RCOR1: variants seen among roughly 807,000 people sequenced by gnomAD.
The protein encoded by RCOR1 is REST corepressor.
A neutral mutation model predicts 64.0 loss-of-function variants in RCOR1; 12 were observed. The ratio of observed to expected loss-of-function variants is 0.19; its 90% confidence interval spans 0.12 to 0.30. RCOR1 has a LOEUF of 0.30. Among genes scored for constraint, RCOR1 ranks in the 10% least tolerant of loss-of-function variants. RCOR1 has a pLI of 1.00. For synonymous variants in RCOR1, 279 were observed against 227.2 expected (o/e 1.23, Z -2.05); for missense variants, 502 against 621.2 (o/e 0.81, Z 2.04).
chr14:102,607,495 C>G (rs539848267), intron 2 of RCOR1, among the ~76,000 whole-genome samples: 1 of 151,994 alleles, frequency 6.6e-6, no homozygotes, highest in East Asian at 1.9e-4. Context: ...GCGTGTAATC[C>G]CAGTGCTTTG....
chr14:102,656,670 TG>T (rs1463802240), intron 2 of RCOR1, among the ~76,000 whole-genome samples: 4 of 152,128 alleles, frequency 2.6e-5, no homozygotes, highest in African/African-American at 4.8e-5. Flanking sequence ...GGTTTTACCA[TG>T]TTGGCCAGGC....
intron 2 of RCOR1, among the ~76,000 whole-genome samples, chr14:102,624,242 G>A (rs1273029734): frequency 2.0e-5 from 3 of 151,682 alleles, no homozygotes; most frequent in Admixed American, 6.6e-5. Context: ...GGTGGCTCAC[G>A]GCTGTAATCC....
rs1174090944 is a variant in RCOR1, at chr14:102,729,514, A to G, written c.*3008A>G. ...CGCCACTTCCTCAAAATGGTTTTTG[A>G]TTGTTTTTAACCTATAAGACGTTCT... On this transcript the variant is annotated 3_prime_UTR_variant, in exon 12 of 12. Coordinates refer to ENST00000262241, the MANE Select transcript of RCOR1 (RefSeq NM_015156.4). 5.2e-6 allele frequency: 1 copy of G among 191,750 alleles called. No homozygotes were observed. The allele number at this position is 191,750 out of a possible 1,614,324, so 11.9% of individuals were successfully genotyped here. A position where few individuals can be genotyped will look rare whatever the true frequency, so the allele number is the denominator to read the frequency against.
At chr14:102,621,705 T>C (rs2139900177) in intron 2 of RCOR1, among the ~76,000 whole-genome samples, 1 of 99,392 alleles carries the variant, frequency 1.0e-5, no homozygotes, top group African/African-American at 2.7e-5. Flanking sequence ...CGAAATAAAA[T>C]CACTTAAATG....
chr14:102,663,438 C>T (rs1199090436), intron 2 of RCOR1, among the ~76,000 whole-genome samples: 8 of 152,140 alleles, frequency 5.3e-5, no homozygotes, highest in Non-Finnish European at 2.9e-5. Flanking sequence ...CCTAATTCAA[C>T]CTTTTGTAAG....
chr14:102,619,473 C>CTTT (rs35488660), intron 2 of RCOR1, among the ~76,000 whole-genome samples: 27 of 131,202 alleles, frequency 2.1e-4, no homozygotes, highest in East Asian at 4.7e-4. Flanking sequence ...TCTATCTAAT[C>CTTT]TTTTTTTTTT....
At chr14:102,664,052 A>G (rs1462757044) in intron 2 of RCOR1, among the ~76,000 whole-genome samples, 1 of 152,178 alleles carries the variant, frequency 6.6e-6, no homozygotes, top group African/African-American at 2.4e-5. Flanking sequence ...CAGAAAAGGG[A>G]CATAGATTAG....
At chr14:102,619,344 T>G (rs1415456426) in intron 2 of RCOR1, among the ~76,000 whole-genome samples, 1 of 152,096 alleles carries the variant, frequency 6.6e-6, no homozygotes, top group African/African-American at 2.4e-5. Context: ...GGTCTTGAAC[T>G]CCTAACCTCA....
At chr14:102,600,177 C>A (rs763533777) in intron 2 of RCOR1, among the ~76,000 whole-genome samples, 1 of 152,072 alleles carries the variant, frequency 6.6e-6, no homozygotes, top group Admixed American at 6.6e-5. Flanking sequence ...AGCTCCGCCT[C>A]CCGGGTTCAC....
chr14:102,701,501 A>G (rs536636564), intron 4 of RCOR1, among the ~76,000 whole-genome samples, 171 bp downstream of exon 4: 65 of 152,262 alleles, frequency 4.3e-4, no homozygotes, highest in Admixed American at 2.1e-3. Flanking sequence ...TTCAAGATGA[A>G]TATTAGAGGA....
intron 10 of RCOR1, 186 bp downstream of exon 10, chr14:102,721,563 A>ATTT: frequency 3.0e-6 from 1 of 334,196 alleles, no homozygotes. Flanking sequence ...AAAAAAAAAA[A>ATTT]TTTTTTTTTT....
At chr14:102,617,247 A>G (rs1434378282) in intron 2 of RCOR1, among the ~76,000 whole-genome samples, 1 of 152,204 alleles carries the variant, frequency 6.6e-6, no homozygotes, top group Non-Finnish European at 1.5e-5. Flanking sequence ...AGAAAAATCA[A>G]TTTAAGAACA....
In RCOR1 at chr14:102,727,170, T is replaced by C. The variant is rs1896283693; in HGVS notation, c.*664T>C. ...CCCAAGTGTTACAAAGATCATTTAC[T>C]GCAACTGTCGTTGGACACTGTAGCT... On this transcript the variant is annotated 3_prime_UTR_variant, in exon 12 of 12. Transcript: ENST00000262241. The C allele has an allele frequency of 6.6e-6, 1 of 152,268 alleles. No homozygotes were observed. Among genetic ancestry groups the C allele is most frequent in the Non-Finnish European group, 1.5e-5 (1 of 68,072 alleles). 9.4% of individuals were successfully genotyped at this position (152,268 alleles called of 1,614,324 possible).
At chr14:102,602,811 T>C (rs1893430678) in intron 2 of RCOR1, among the ~76,000 whole-genome samples, 1 of 151,584 alleles carries the variant, frequency 6.6e-6, no homozygotes, top group African/African-American at 2.4e-5. Context: ...GCTCAAGTGA[T>C]CCTCCTGTCT....
At chr14:102,699,120 C>T (rs1281092096) in intron 3 of RCOR1, among the ~76,000 whole-genome samples, 1 of 152,158 alleles carries the variant, frequency 6.6e-6, no homozygotes, top group Admixed American at 6.5e-5. Context: ...CTCTTGACTT[C>T]GTGATCCACC....
rs551652443 is a variant in RCOR1, at chr14:102,711,314, G to A, written c.858+301G>A. ...CATTAGCTCAGTAGGTTAACAAGTG[G>A]TCTAGTGAATTCCAGGCAGCCTTAG... On this transcript the variant is annotated intron_variant, in intron 7 of 11. Coordinates refer to ENST00000262241, the MANE Select transcript of RCOR1 (RefSeq NM_015156.4). Among the ~76,000 whole-genome samples the A allele has an allele frequency of 7.2e-5, 11 of 152,324 alleles. No homozygotes were observed. In the South Asian group the frequency reaches 2.1e-3, roughly 29 times the overall value.
At position 102,641,126 on chromosome 14, in the gene RCOR1, G is replaced by A. The variant is rs774589517; in HGVS notation, c.362-40769G>A. Among the ~76,000 whole-genome samples the A allele has an allele frequency of 3.3e-5, 5 of 151,864 alleles. No homozygotes were observed. In the South Asian group the frequency reaches 8.3e-4, roughly 25 times the overall value. On this transcript the variant is annotated intron_variant, in intron 2 of 11. Transcript: ENST00000262241. ...AAAAATTAGCTGGGCTTGGTGGCGCGTGCCTGTGGTCCCAGCTACTTGGAA... is the reference window on the plus strand; with the variant it reads ...AAAAATTAGCTGGGCTTGGTGGCGCATGCCTGTGGTCCCAGCTACTTGGAA...
chr14:102,621,013 T>C (rs896350004), intron 2 of RCOR1, among the ~76,000 whole-genome samples: 4 of 152,204 alleles, frequency 2.6e-5, no homozygotes, highest in Non-Finnish European at 5.9e-5. Flanking sequence ...TCTGGTCACC[T>C]ATTGTTAAAT....
chr14:102,630,152 A>G (rs1363186896), intron 2 of RCOR1: 1 of 200,326 alleles, frequency 5.0e-6, no homozygotes, highest in Non-Finnish European at 8.9e-6. Flanking sequence ...ACCCTCATAA[A>G]TAGATTAATG....
Sources: allele counts gnomAD v4.1 joint callset (sites outside exome capture counted in the v4.1 genomes callset), GRCh38; gene constraint gnomAD v4.1.1; transcripts MANE v1.5; gene names NCBI Gene and HGNC (gene_info 2026-07-23, HGNC 2026-07-21).